SLC8A1: variants seen among roughly 807,000 people sequenced by gnomAD.
SLC8A1 encodes the protein sodium/calcium exchanger 1.
SLC8A1 carries 18 observed loss-of-function variants against 68.3 expected under a neutral mutation model. The observed-to-expected ratio is 0.26, with a 90% CI of 0.18 to 0.39. SLC8A1 has a LOEUF of 0.39. Ranked by LOEUF, SLC8A1 falls within the 10% of genes least tolerant of loss-of-function variation. The pLI is 1.00. For synonymous variants in SLC8A1, 475 were observed against 415.5 expected (o/e 1.14, Z -1.74); for missense variants, 985 against 1,156.7 (o/e 0.85, Z 2.15).
At chr2:40,450,585 T>C (rs1308282533) in intron 1 of SLC8A1, among the ~76,000 whole-genome samples, 1 of 152,196 alleles carries the variant, frequency 6.6e-6, no homozygotes, top group Admixed American at 6.5e-5. Flanking sequence ...ATCAGGACGC[T>C]TGTACTGTCT....
chr2:40,216,943 T>C (rs1026878990), intron 2 of SLC8A1, among the ~76,000 whole-genome samples: 3 of 152,232 alleles, frequency 2.0e-5, no homozygotes, highest in Non-Finnish European at 4.4e-5. Context: ...TCCCATTCTG[T>C]AGGTTGCCTG....
chr2:40,125,300 T>C (rs2037837927), intron 7 of SLC8A1, among the ~76,000 whole-genome samples: 1 of 150,500 alleles, frequency 6.6e-6, no homozygotes, highest in Non-Finnish European at 1.5e-5. Flanking sequence ...GAGGAAGGAG[T>C]GGAATAGAAG....
chr2:40,392,268 G>A (rs1454212464), intron 2 of SLC8A1, among the ~76,000 whole-genome samples: 1 of 150,984 alleles, frequency 6.6e-6, no homozygotes. Flanking sequence ...AAGCAAGCAA[G>A]CAAGCAAGAA....
chr2:40,425,421 A>G (rs1256868528), intron 2 of SLC8A1, among the ~76,000 whole-genome samples: 1 of 151,894 alleles, frequency 6.6e-6, no homozygotes, highest in East Asian at 1.9e-4. Context: ...CTTATTCTCC[A>G]TCCTTGATCA....
At chr2:40,168,789 G>A (rs747342214) in intron 4 of SLC8A1, among the ~76,000 whole-genome samples, 1 of 152,052 alleles carries the variant, frequency 6.6e-6, no homozygotes, top group African/African-American at 2.4e-5. Flanking sequence ...TTTCTCAGAT[G>A]GAAAATATAC....
intron 2 of SLC8A1, among the ~76,000 whole-genome samples, chr2:40,358,306 C>T (rs1673405100): frequency 6.6e-6 from 1 of 151,572 alleles, no homozygotes; most frequent in Non-Finnish European, 1.5e-5. Flanking sequence ...CACATTGTGC[C>T]CTATGTTTAA....
chr2:40,445,977 G>A (rs1701369639), intron 1 of SLC8A1, among the ~76,000 whole-genome samples: 1 of 152,164 alleles, frequency 6.6e-6, no homozygotes, highest in South Asian at 2.1e-4. Flanking sequence ...CCTGCTACCA[G>A]GATGGGATGC....
At chr2:40,143,551 C>A (rs2041953133) in intron 6 of SLC8A1, among the ~76,000 whole-genome samples, 1 of 152,148 alleles carries the variant, frequency 6.6e-6, no homozygotes, top group African/African-American at 2.4e-5. Flanking sequence ...ATTTGATTAA[C>A]CCTTCCTATT....
At chr2:40,277,143 A>T (rs554624151) in intron 2 of SLC8A1, among the ~76,000 whole-genome samples, 1 of 152,234 alleles carries the variant, frequency 6.6e-6, no homozygotes, top group Non-Finnish European at 1.5e-5. Context: ...GTTTATACTT[A>T]TAATAACACA....
At chr2:40,428,522 C>A in exon 2 of SLC8A1, 1 of 1,611,774 alleles carries the variant, frequency 6.2e-7, no homozygotes. Context: ...TCCTCAAAAT[C>A]CTCCCCTCCA....
chr2:40,155,431 A>G (rs1408855105), intron 6 of SLC8A1, among the ~76,000 whole-genome samples: 1 of 152,118 alleles, frequency 6.6e-6, no homozygotes, highest in African/African-American at 2.4e-5. Flanking sequence ...GCCTGGCCCT[A>G]GCAGAATTTT....
chr2:40,253,906 A>C (rs997403386), intron 2 of SLC8A1, among the ~76,000 whole-genome samples: 4 of 112,310 alleles, frequency 3.6e-5, no homozygotes, highest in Non-Finnish European at 7.1e-5. Flanking sequence ...ACGTTGGTTT[A>C]TGGTACAAGA....
chr2:40,155,473 A>T (rs151010902), intron 6 of SLC8A1, among the ~76,000 whole-genome samples: 1 of 152,136 alleles, frequency 6.6e-6, no homozygotes, highest in African/African-American at 2.4e-5. Flanking sequence ...CAGATGACCT[A>T]AGGCTACCAC....
chr2:40,142,128 G>T (rs1171666142), intron 6 of SLC8A1, among the ~76,000 whole-genome samples: 3 of 152,186 alleles, frequency 2.0e-5, no homozygotes, highest in African/African-American at 7.2e-5. Context: ...CAATTACTCA[G>T]TGTTTCTATT....
chr2:40,232,020 A>G (rs1035641270), intron 2 of SLC8A1, among the ~76,000 whole-genome samples: 2 of 152,102 alleles, frequency 1.3e-5, no homozygotes, highest in African/African-American at 4.8e-5. Context: ...ATCCAATAGA[A>G]TGGGGCTGTG....
At chr2:40,199,272 C>T (rs180738573) in intron 2 of SLC8A1, among the ~76,000 whole-genome samples, 4 of 151,932 alleles carry the variant, frequency 2.6e-5, no homozygotes, top group Admixed American at 2.0e-4. Context: ...ATGGACACTG[C>T]TCACCTTGTG....
intron 1 of SLC8A1, among the ~76,000 whole-genome samples, chr2:40,433,901 A>G (rs1029272522): frequency 1.3e-5 from 2 of 152,168 alleles, no homozygotes; most frequent in Admixed American, 6.5e-5. Context: ...AAGGTTTCCA[A>G]TAGCCTGGCT....
At chr2:40,415,626 GCAA>G (rs1366447461) in intron 2 of SLC8A1, among the ~76,000 whole-genome samples, 1 of 151,938 alleles carries the variant, frequency 6.6e-6, no homozygotes, top group African/African-American at 2.4e-5. Flanking sequence ...CAAACAAACG[GCAA>G]CATCAAATGC....
intron 2 of SLC8A1, among the ~76,000 whole-genome samples, chr2:40,258,022 G>T (rs1217353503): frequency 6.6e-6 from 1 of 152,218 alleles, no homozygotes; most frequent in Non-Finnish European, 1.5e-5. Context: ...ACCAGCGTGG[G>T]TGATGCTGAC....
Sources: gnomAD v4.1 joint callset for allele counts (sites outside exome capture counted in the v4.1 genomes callset) on GRCh38, gnomAD v4.1.1 for gene constraint, MANE v1.5 for transcripts, NCBI Gene and HGNC (gene_info 2026-07-23, HGNC 2026-07-21) for gene names.